Variants in HPSE2 observed in about 807,000 individuals in gnomAD.
HPSE2 encodes the protein inactive heparanase-2.
Under a neutral mutation model 60.5 loss-of-function variants are expected in HPSE2, and 38 were observed. That is an observed-to-expected ratio of 0.63 (90% CI 0.48 to 0.82). The LOEUF is 0.82. Ranked by LOEUF, HPSE2 falls within the 40% of genes least tolerant of loss-of-function variation. The probability of loss-of-function intolerance (pLI) is 0.00; values close to 1 mark genes in which losing one functional copy is unlikely to be tolerated. For missense variants in HPSE2, 713 were observed against 740.4 expected (o/e 0.96, Z 0.43); for synonymous variants, 295 against 293.2 (o/e 1.01, Z -0.06).
At chr10:99,008,681 T>C (rs1956943606) in intron 3 of HPSE2, among the ~76,000 whole-genome samples, 1 of 152,196 alleles carries the variant, frequency 6.6e-6, no homozygotes, top group African/African-American at 2.4e-5. Flanking sequence ...ACTAGAAATA[T>C]ATTGCGTTTA....
At chr10:98,971,384 T>C (rs1052593989) in intron 3 of HPSE2, among the ~76,000 whole-genome samples, 1 of 119,538 alleles carries the variant, frequency 8.4e-6, no homozygotes, top group African/African-American at 2.5e-5. Flanking sequence ...TCATTGATCC[T>C]TGCAAAGCCT....
chr10:98,626,217 G>C (rs879723712), intron 7 of HPSE2, among the ~76,000 whole-genome samples: 17 of 152,210 alleles, frequency 1.1e-4, no homozygotes, highest in Admixed American at 1.1e-3. Flanking sequence ...GAGGTGGGGG[G>C]TTAAATCAAG....
chr10:98,637,415 T>C (rs1322723100), intron 7 of HPSE2, among the ~76,000 whole-genome samples: 1 of 152,190 alleles, frequency 6.6e-6, no homozygotes, highest in East Asian at 1.9e-4. Flanking sequence ...TAAAAATAGC[T>C]ATAATAACTA....
At chr10:99,243,544 A>T in the HPSE2 span, among the ~76,000 whole-genome samples, 1 of 152,326 alleles carries the variant, frequency 6.6e-6, no homozygotes, top group East Asian at 1.9e-4. Context: ...GTATGTATGT[A>T]TAAGTTGTTT....
intron 6 of HPSE2, among the ~76,000 whole-genome samples, chr10:98,648,747 A>G (rs963342190): frequency 1.3e-5 from 2 of 152,214 alleles, no homozygotes; most frequent in African/African-American, 4.8e-5. Context: ...TCTAAAAAAA[A>G]AATTAGAAAG....
chr10:99,211,240 C>T (rs143309595), intron 2 of HPSE2, among the ~76,000 whole-genome samples: 1 of 151,858 alleles, frequency 6.6e-6, no homozygotes, highest in East Asian at 1.9e-4. Flanking sequence ...AAGAGCTATC[C>T]CATGTTCATG....
chr10:98,701,907 G>A (rs543416259), intron 5 of HPSE2, among the ~76,000 whole-genome samples: 10 of 152,230 alleles, frequency 6.6e-5, no homozygotes, highest in Admixed American at 4.6e-4. Flanking sequence ...CAACAAGTGT[G>A]CAAAATAACC....
At chr10:99,187,914 A>G (rs181052528) in intron 2 of HPSE2, among the ~76,000 whole-genome samples, 1 of 152,212 alleles carries the variant, frequency 6.6e-6, no homozygotes, top group African/African-American at 2.4e-5. Flanking sequence ...ATAGAAACAC[A>G]TGTCCATGAA....
At chr10:99,221,898 G>A (rs1055939422) in intron 2 of HPSE2, among the ~76,000 whole-genome samples, 2 of 152,074 alleles carry the variant, frequency 1.3e-5, no homozygotes, top group African/African-American at 4.8e-5. Context: ...TGAAGGTTTC[G>A]AGCTAGGCAG....
chr10:98,974,974 C>T (rs756579715), intron 3 of HPSE2, among the ~76,000 whole-genome samples: 2 of 152,060 alleles, frequency 1.3e-5, no homozygotes, highest in Non-Finnish European at 2.9e-5. Context: ...TTTTGTTATT[C>T]TAGTATTCAA....
At chr10:98,991,522 T>A (rs548288082) in intron 3 of HPSE2, among the ~76,000 whole-genome samples, 2 of 151,986 alleles carry the variant, frequency 1.3e-5, no homozygotes, top group African/African-American at 4.8e-5. Flanking sequence ...GGGAGTAAAG[T>A]GGGTGGTAGA....
chr10:99,018,795 C>T (rs965270100), intron 3 of HPSE2, among the ~76,000 whole-genome samples: 2 of 152,084 alleles, frequency 1.3e-5, no homozygotes, highest in Non-Finnish European at 2.9e-5. Flanking sequence ...TTTGCCCACT[C>T]CTCAAAGAGG....
intron 11 of HPSE2, 73 bp from the exon 12 acceptor site, chr10:98,459,812 A>G: frequency 2.1e-6 from 3 of 1,442,474 alleles, no homozygotes; most frequent in Non-Finnish European, 2.9e-6. Context: ...GCCTAGCCCC[A>G]GATGGCCTGG....
At chr10:99,141,994 G>A (rs1323351305) in intron 3 of HPSE2, among the ~76,000 whole-genome samples, 1 of 152,212 alleles carries the variant, frequency 6.6e-6, no homozygotes. Context: ...CTGGTGGGTA[G>A]AGGAGAAGGA....
chr10:99,273,070 T>C, the HPSE2 span, among the ~76,000 whole-genome samples: 2 of 152,190 alleles, frequency 1.3e-5, no homozygotes, highest in African/African-American at 4.8e-5. Flanking sequence ...ATATCTACCA[T>C]GGAATACTAC....
In HPSE2 at chr10:99,051,239, C is replaced by T. The variant is rs375255432; in HGVS notation, c.610+92999G>A. ...CAGTGATTGCAGTGAGCCGAGATCG[C>T]GCCACTGCACTCCAGCCTGGGCGAC... is the stretch of plus-strand genomic sequence containing the variant. On this transcript the variant is annotated intron_variant, in intron 3 of 11. Transcript: ENST00000370552. Among the ~76,000 whole-genome samples, 220 of 152,198 alleles carry T rather than the reference C, an allele frequency of 1.4e-3. 1 individual carries two copies. The highest frequency in any genetic ancestry group is 4.9e-3 in the African/African-American group (203 of 41,520).
At chr10:99,011,681 A>G (rs767322282) in intron 3 of HPSE2, among the ~76,000 whole-genome samples, 3 of 149,306 alleles carry the variant, frequency 2.0e-5, no homozygotes, top group Non-Finnish European at 3.0e-5. Flanking sequence ...GCTTGAACCC[A>G]AGAGGCAGGG....
intron 2 of HPSE2, among the ~76,000 whole-genome samples, chr10:99,172,468 GACTATATTGGAC>G (rs905918086): frequency 2.5e-4 from 38 of 152,062 alleles, no homozygotes; most frequent in African/African-American, 8.0e-4. Flanking sequence ...CCCTATATTG[GACTATATTGGAC>G]ACTATATTGG....
Position 98,949,549 on chromosome 10 carries a change from C to T in HPSE2, c.610+194689G>A, listed in dbSNP as rs527691982. Among the ~76,000 whole-genome samples, 4 of 152,230 alleles carry T rather than the reference C, an allele frequency of 2.6e-5. No individual in the cohort carries two copies. The East Asian group carries it at 7.7e-4, about 29-fold the overall frequency. On this transcript the variant is annotated intron_variant, in intron 3 of 11. Transcript: ENST00000370552. ...AGCAGAGTTTACAGATGGAATCAGGCAATTCTTACAACATTTTAGTTCCTG... is the reference window on the plus strand; with the variant it reads ...AGCAGAGTTTACAGATGGAATCAGGTAATTCTTACAACATTTTAGTTCCTG...
Sources: gnomAD v4.1 joint callset for allele counts (sites outside exome capture counted in the v4.1 genomes callset) on GRCh38, gnomAD v4.1.1 for gene constraint, MANE v1.5 for transcripts, NCBI Gene and HGNC (gene_info 2026-07-23, HGNC 2026-07-21) for gene names.